Variants in CSNK2A2IP observed in about 807,000 individuals in gnomAD.
The protein encoded by CSNK2A2IP is casein kinase 2 subunit alpha' interacting protein.
At chr3:88,457,994 C>T in the CSNK2A2IP span, among the ~76,000 whole-genome samples, 23 of 151,876 alleles carry the variant, frequency 1.5e-4, no homozygotes, top group African/African-American at 5.5e-4. Flanking sequence ...AAATTTGTGT[C>T]TTTCAAGAAA....
the CSNK2A2IP span, among the ~76,000 whole-genome samples, chr3:88,363,866 G>A: frequency 6.6e-6 from 1 of 152,142 alleles, no homozygotes; most frequent in South Asian, 2.1e-4. Context: ...GGTAGGAAAA[G>A]GCATGCTTCC....
chr3:88,364,699 T>C, the CSNK2A2IP span, among the ~76,000 whole-genome samples: 1 of 152,184 alleles, frequency 6.6e-6, no homozygotes, highest in Non-Finnish European at 1.5e-5. Context: ...AATTAATGAT[T>C]GTATTAATTC....
At chr3:88,449,846 C>T in the CSNK2A2IP span, among the ~76,000 whole-genome samples, 777 of 86,826 alleles carry the variant, frequency 8.9e-3, 1 homozygote, top group Middle Eastern at 0.012. Flanking sequence ...CACACACACA[C>T]ACACACACAT....
the CSNK2A2IP span, among the ~76,000 whole-genome samples, chr3:88,417,158 C>A: frequency 1.3e-5 from 2 of 151,606 alleles, no homozygotes; most frequent in South Asian, 4.2e-4. Flanking sequence ...CGTTGATAGA[C>A]ACACAGGGGA....
the CSNK2A2IP span, among the ~76,000 whole-genome samples, chr3:88,359,028 T>C: frequency 6.6e-6 from 1 of 150,514 alleles, no homozygotes. Flanking sequence ...GTAAGTACAC[T>C]TACGCGTGCT....
the CSNK2A2IP span, among the ~76,000 whole-genome samples, chr3:88,390,240 G>A: frequency 6.6e-6 from 1 of 152,122 alleles, no homozygotes; most frequent in Non-Finnish European, 1.5e-5. Context: ...CTGGCAAACA[G>A]ACCAAAAGTC....
chr3:88,431,948 C>T, the CSNK2A2IP span, among the ~76,000 whole-genome samples: 1 of 152,062 alleles, frequency 6.6e-6, no homozygotes, highest in Non-Finnish European at 1.5e-5. Context: ...AGATAAGGCT[C>T]AAGCCATTTT....
At chr3:88,405,912 T>G in the CSNK2A2IP span, among the ~76,000 whole-genome samples, 298 of 152,266 alleles carry the variant, frequency 2.0e-3, 1 homozygote, top group Non-Finnish European at 2.6e-3. Flanking sequence ...AACTTTGCCA[T>G]GTACTAGCCT....
At chr3:88,453,054 G>C in the CSNK2A2IP span, among the ~76,000 whole-genome samples, 8 of 152,080 alleles carry the variant, frequency 5.3e-5, no homozygotes, top group Admixed American at 1.3e-4. Flanking sequence ...TGACGAGGCA[G>C]AAATTTCGGG....
chr3:88,385,830 G>C, the CSNK2A2IP span, among the ~76,000 whole-genome samples: 1 of 152,108 alleles, frequency 6.6e-6, no homozygotes. Flanking sequence ...TTTAAGACTT[G>C]AAGGTGAAAG....
the CSNK2A2IP span, among the ~76,000 whole-genome samples, chr3:88,449,847 A>G: frequency 1.0e-5 from 1 of 98,772 alleles, no homozygotes. Context: ...ACACACACAC[A>G]CACACACATA....
the CSNK2A2IP span, among the ~76,000 whole-genome samples, chr3:88,456,604 G>T: frequency 2.7e-5 from 4 of 145,908 alleles, no homozygotes; most frequent in South Asian, 8.6e-4. Context: ...GGGCTTTAGG[G>T]TTTTCTATGT....
chr3:88,353,466 G>C, the CSNK2A2IP span, among the ~76,000 whole-genome samples: 2 of 152,106 alleles, frequency 1.3e-5, no homozygotes, highest in African/African-American at 2.4e-5. Context: ...GACTCTTCAG[G>C]CCTTTCACGT....
the CSNK2A2IP span, chr3:88,466,000 T>C: frequency 8.1e-7 from 1 of 1,231,686 alleles, no homozygotes. Context: ...TAGCTCGACA[T>C]TGCTTCAATC....
the CSNK2A2IP span, among the ~76,000 whole-genome samples, chr3:88,426,119 C>T: frequency 6.6e-6 from 1 of 152,014 alleles, no homozygotes; most frequent in Non-Finnish European, 1.5e-5. Flanking sequence ...TTAAAAAACC[C>T]AAAGGAATTT....
the CSNK2A2IP span, among the ~76,000 whole-genome samples, chr3:88,356,325 C>T: frequency 9.2e-5 from 14 of 151,888 alleles, no homozygotes; most frequent in Non-Finnish European, 2.1e-4. Context: ...TTTTTAGCTC[C>T]CACATATGAG....
At chr3:88,467,274 ATCT>A in the CSNK2A2IP span, 2 of 399,520 alleles carry the variant, frequency 5.0e-6, no homozygotes, top group East Asian at 7.1e-5. Context: ...CCTCTTCTTC[ATCT>A]TCTTCCTCCT....
chr3:88,432,967 G>A, the CSNK2A2IP span, among the ~76,000 whole-genome samples: 1 of 151,866 alleles, frequency 6.6e-6, no homozygotes, highest in East Asian at 1.9e-4. Flanking sequence ...CTAATACCTG[G>A]AAGCAGAACG....
At chr3:88,445,512 C>T in the CSNK2A2IP span, among the ~76,000 whole-genome samples, 1 of 151,958 alleles carries the variant, frequency 6.6e-6, no homozygotes, top group African/African-American at 2.4e-5. Flanking sequence ...TGTCAAGGGG[C>T]AAATGCATTT....
Sources: gnomAD v4.1 joint callset for allele counts (sites outside exome capture counted in the v4.1 genomes callset) on GRCh38, gnomAD v4.1.1 for gene constraint, MANE v1.5 for transcripts, NCBI Gene and HGNC (gene_info 2026-07-23, HGNC 2026-07-21) for gene names.